Variants in XKR4 observed in about 807,000 individuals in gnomAD.
The protein encoded by XKR4 is XK related 4, also known as XK-related protein 4.
Under a neutral mutation model 53.9 loss-of-function variants are expected in XKR4, and 12 were observed. That is an observed-to-expected ratio of 0.22 (90% CI 0.14 to 0.36). XKR4 has a LOEUF of 0.36. Among genes scored for constraint, XKR4 ranks in the 10% least tolerant of loss-of-function variants. XKR4 has a pLI of 1.00. For synonymous variants in XKR4, 354 were observed against 362.4 expected, an observed-to-expected ratio of 0.98 and a Z score of 0.26; for missense variants, 799 against 859.5, an observed-to-expected ratio of 0.93 and a Z score of 0.88.
chr8:55,311,369 T>G (rs566738927), intron 1 of XKR4, among the ~76,000 whole-genome samples: 1 of 152,144 alleles, frequency 6.6e-6, no homozygotes, highest in African/African-American at 2.4e-5. Context: ...CAGGAGCAAA[T>G]GAAGACAGAG....
At chr8:55,285,294 G>C (rs1281086769) in intron 1 of XKR4, among the ~76,000 whole-genome samples, 2 of 152,170 alleles carry the variant, frequency 1.3e-5, no homozygotes, top group Admixed American at 6.5e-5. Context: ...TCAGGGACTT[G>C]AATATCATGG....
rs41438156 is a variant in XKR4 at position 55,410,076 on chromosome 8, T to C, written c.1006+52199T>C. Among the ~76,000 whole-genome samples the C allele has an allele frequency of 6.0e-3, 910 of 150,552 alleles. 9 individuals carry two copies. Among genetic ancestry groups the C allele is most frequent in the Middle Eastern group, 0.02 (6 of 294 alleles). On this transcript the variant is annotated intron_variant, in intron 2 of 2. Coordinates refer to ENST00000327381, the MANE Select transcript of XKR4 (RefSeq NM_052898.2). ...TTGCCATGGCTAGTTGATTCCTCTC[T>C]GTCATTTGCCTTTAAAAAAAAAAAA...
chr8:55,141,030 C>T (rs962482569), intron 1 of XKR4, among the ~76,000 whole-genome samples: 1 of 152,090 alleles, frequency 6.6e-6, no homozygotes, highest in African/African-American at 2.4e-5. Context: ...TTTAGTATGT[C>T]CACTGCGTGT....
At chr8:55,295,644 G>A (rs1819090910) in intron 1 of XKR4, among the ~76,000 whole-genome samples, 2 of 152,164 alleles carry the variant, frequency 1.3e-5, no homozygotes. Context: ...TAAGAATAAG[G>A]CACTTACTGA....
chr8:55,117,765 A>C (rs1816331123), intron 1 of XKR4, among the ~76,000 whole-genome samples: 1 of 152,194 alleles, frequency 6.6e-6, no homozygotes, highest in Non-Finnish European at 1.5e-5. Flanking sequence ...GGTTAATCCA[A>C]GACTCACCTG....
At chr8:55,245,011 C>T (rs1232829964) in intron 1 of XKR4, among the ~76,000 whole-genome samples, 1 of 151,500 alleles carries the variant, frequency 6.6e-6, no homozygotes, top group African/African-American at 2.4e-5. Flanking sequence ...CAGCAATTCT[C>T]CTGCCTCAGC....
rs1350050555 is a variant in XKR4, at chr8:55,102,925, G to C, written c.437G>C (p.Gly146Ala). The C allele has an allele frequency of 6.2e-7, 1 of 1,611,704 alleles. No individual in the cohort carries two copies. The highest frequency in any genetic ancestry group is 8.5e-7 in the Non-Finnish European group (1 of 1,179,900). The change falls in exon 1 of 3, where the codon GGG (glycine) becomes GCG (alanine). Residue 146 changes from glycine to alanine, a missense_variant. By Grantham distance (60) the Gly-to-Ala change is moderately conservative. Around this residue, in one of 3 missense-constraint regions of XKR4, gnomAD observed 476 missense variants for 505.4 expected, o/e 0.94. Coordinates refer to ENST00000327381, the MANE Select transcript of XKR4 (RefSeq NM_052898.2). The surrounding 1 kb of genome is among the most constrained non-coding windows in gnomAD (Gnocchi z 5.1). ...YYLRGQRWWF[G>A]LTLFFVVLGS... Reference sequence around the variant, plus strand: ...CTGCGCGGCCAGCGCTGGTGGTTCGGGCTCACGCTCTTCTTCGTGGTGCTC... The same window carrying C: ...CTGCGCGGCCAGCGCTGGTGGTTCGCGCTCACGCTCTTCTTCGTGGTGCTC...
intron 1 of XKR4, among the ~76,000 whole-genome samples, chr8:55,280,932 G>A (rs1327014234): frequency 3.3e-5 from 5 of 152,144 alleles, no homozygotes; most frequent in Non-Finnish European, 5.9e-5. Context: ...CCAATGAACA[G>A]TTCTAGGTTG....
chr8:55,112,531 T>G (rs1437888929), intron 1 of XKR4, among the ~76,000 whole-genome samples: 1 of 148,464 alleles, frequency 6.7e-6, no homozygotes, highest in Non-Finnish European at 1.5e-5. Flanking sequence ...AATAAAGATC[T>G]CAGTCTGGGG....
chr8:55,114,025 C>T (rs1035418511), intron 1 of XKR4, among the ~76,000 whole-genome samples: 2 of 152,128 alleles, frequency 1.3e-5, no homozygotes, highest in Non-Finnish European at 2.9e-5. Flanking sequence ...AATGGTGCTG[C>T]AGTGAACATA....
At chr8:55,303,775 T>C (rs1371094363) in intron 1 of XKR4, among the ~76,000 whole-genome samples, 3 of 152,234 alleles carry the variant, frequency 2.0e-5, no homozygotes, top group African/African-American at 7.2e-5. Context: ...ATTTTCTAGT[T>C]TATTTGCGTA....
At chr8:55,103,663 C>A (rs1816091669) in intron 1 of XKR4, among the ~76,000 whole-genome samples, 1 of 151,364 alleles carries the variant, frequency 6.6e-6, no homozygotes, top group Non-Finnish European at 1.5e-5. Context: ...TTCTAAAATT[C>A]CTTTATTATT....
At chr8:55,249,116 C>T (rs1818331408) in intron 1 of XKR4, among the ~76,000 whole-genome samples, 1 of 152,172 alleles carries the variant, frequency 6.6e-6, no homozygotes, top group Non-Finnish European at 1.5e-5. Flanking sequence ...TGGTCAGATA[C>T]TGTTTGGCTA....
chr8:55,151,462 T>C (rs1411234919), intron 1 of XKR4, among the ~76,000 whole-genome samples: 1 of 152,176 alleles, frequency 6.6e-6, no homozygotes, highest in Non-Finnish European at 1.5e-5. Flanking sequence ...TACAAAATGA[T>C]CAGTGAATAA....
chr8:55,310,726 A>G (rs746132092), intron 1 of XKR4, among the ~76,000 whole-genome samples: 6 of 152,138 alleles, frequency 3.9e-5, no homozygotes, highest in Non-Finnish European at 7.4e-5. Flanking sequence ...AACTCAACAG[A>G]CATTTATGGG....
intron 1 of XKR4, among the ~76,000 whole-genome samples, chr8:55,220,270 G>A (rs897680281): frequency 2.0e-5 from 3 of 152,052 alleles, no homozygotes; most frequent in East Asian, 1.9e-4. Flanking sequence ...TTTTTGGCCT[G>A]TGTAATCAAA....
At chr8:55,396,948 C>T (rs1487221863) in intron 2 of XKR4, among the ~76,000 whole-genome samples, 1 of 152,174 alleles carries the variant, frequency 6.6e-6, no homozygotes, top group Non-Finnish European at 1.5e-5. Context: ...CTGACAATAA[C>T]CACTGTCACA....
chr8:55,463,257 C>T (rs1484329114), intron 2 of XKR4, among the ~76,000 whole-genome samples: 1 of 152,024 alleles, frequency 6.6e-6, no homozygotes, highest in African/African-American at 2.4e-5. Context: ...TAAAAGAACA[C>T]AAATTATAAC....
At chr8:55,296,807 C>T (rs1437015397) in intron 1 of XKR4, among the ~76,000 whole-genome samples, 1 of 152,072 alleles carries the variant, frequency 6.6e-6, no homozygotes, top group East Asian at 1.9e-4. Context: ...TCATACTCAC[C>T]ACAACTGTTG....
Sources: gnomAD v4.1 joint callset for allele counts (sites outside exome capture counted in the v4.1 genomes callset) on GRCh38, gnomAD v4.1.1 for gene constraint, gnomAD v4.1.1 regional missense constraint, Gnocchi (gnomAD v3.1) non-coding constraint, MANE v1.5 for transcripts, NCBI Gene and HGNC (gene_info 2026-07-23, HGNC 2026-07-21) for gene names.